The following CPNE4 variants were observed in gnomAD, a reference collection of about 807,000 sequenced individuals.
CPNE4 encodes copine-4.
CPNE4 carries 25 observed loss-of-function variants against 67.9 expected under a neutral mutation model. The observed-to-expected ratio is 0.37, with a 90% CI of 0.27 to 0.51. The LOEUF is 0.51. CPNE4 is among the 20% of genes least tolerant of loss of function. CPNE4 has a pLI of 0.93. For synonymous variants in CPNE4, 242 were observed against 244.9 expected, an observed-to-expected ratio of 0.99 and a Z score of 0.11; for missense variants, 464 against 690.8, an observed-to-expected ratio of 0.67 and a Z score of 3.68.
chr3:131,923,592 C>A (rs2070802176), intron 1 of CPNE4, among the ~76,000 whole-genome samples: 1 of 150,276 alleles, frequency 6.7e-6, no homozygotes, highest in African/African-American at 2.4e-5. Context: ...ATAGTACCAC[C>A]TACTTGGGAG....
chr3:131,575,249 A>C, intron 9 of CPNE4, 119 bp from the exon 10 acceptor site: 1 of 787,428 alleles, frequency 1.3e-6, no homozygotes, highest in Non-Finnish European at 2.2e-6. Flanking sequence ...GCAGACAGAC[A>C]TCATTGAAAA....
chr3:131,859,957 AG>A (rs1457876623), intron 2 of CPNE4, among the ~76,000 whole-genome samples: 8 of 152,340 alleles, frequency 5.3e-5, no homozygotes, highest in African/African-American at 1.9e-4. Context: ...ATCCATCCGC[AG>A]AATGACTCCA....
chr3:131,875,088 T>C (rs982620329), intron 2 of CPNE4, among the ~76,000 whole-genome samples: 13 of 152,176 alleles, frequency 8.5e-5, no homozygotes, highest in African/African-American at 2.9e-4. Flanking sequence ...CTGAGCAACT[T>C]CCCTAGCCCC....
At chr3:131,927,520 C>T (rs1429814458) in intron 1 of CPNE4, among the ~76,000 whole-genome samples, 1 of 152,126 alleles carries the variant, frequency 6.6e-6, no homozygotes, top group African/African-American at 2.4e-5. Flanking sequence ...TCTGATCCTA[C>T]TCCAGACTGG....
intron 1 of CPNE4, among the ~76,000 whole-genome samples, chr3:131,974,642 C>G (rs903923295): frequency 1.3e-5 from 2 of 152,194 alleles, no homozygotes; most frequent in African/African-American, 4.8e-5. Context: ...GCCTCCCATA[C>G]TCTGTGAACA....
intron 1 of CPNE4, among the ~76,000 whole-genome samples, chr3:132,001,557 AAG>A (rs1491504130): frequency 5.7e-5 from 4 of 70,580 alleles, no homozygotes; most frequent in Admixed American, 2.8e-4. Flanking sequence ...AAAAAAGAGA[AAG>A]AAAGAAAGAA....
intron 1 of CPNE4, among the ~76,000 whole-genome samples, chr3:131,942,453 TGTGTGTGTGTGAGAGAGA>T (rs2071419112): frequency 1.6e-5 from 1 of 62,268 alleles, no homozygotes; most frequent in African/African-American, 7.2e-5. Flanking sequence ...TGTGTGTGTG[TGTGTGTGTGTGAGAGAGA>T]GAGAGAGAGA....
intron 2 of CPNE4, among the ~76,000 whole-genome samples, chr3:131,738,866 T>C (rs1160966231): frequency 1.3e-5 from 2 of 151,224 alleles, no homozygotes; most frequent in Non-Finnish European, 3.0e-5. Context: ...TTTTTTTTTT[T>C]TTCTTAAGAT....
At chr3:131,543,416 G>GTAAC (rs1935635768) in intron 14 of CPNE4, among the ~76,000 whole-genome samples, 1 of 151,952 alleles carries the variant, frequency 6.6e-6, no homozygotes, top group African/African-American at 2.4e-5. Context: ...TTCTTTCTTT[G>GTAAC]TAACTGTCAG....
chr3:131,785,622 T>C (rs553570973), intron 2 of CPNE4, among the ~76,000 whole-genome samples: 1 of 152,168 alleles, frequency 6.6e-6, no homozygotes, highest in Admixed American at 6.6e-5. Flanking sequence ...CGGGTAAAAA[T>C]GTGACAGTTT....
chr3:131,552,249 A>G (rs72997281), intron 13 of CPNE4, among the ~76,000 whole-genome samples, 191 bp downstream of exon 13: 101 of 152,080 alleles, frequency 6.6e-4, no homozygotes, highest in African/African-American at 2.1e-3. Context: ...TGTCTTTTCC[A>G]GTTCTTATTT....
intron 1 of CPNE4, among the ~76,000 whole-genome samples, chr3:131,978,748 G>C (rs1175670507): frequency 6.7e-6 from 1 of 149,956 alleles, no homozygotes; most frequent in Non-Finnish European, 1.5e-5. Context: ...GGTTTGGTTT[G>C]TTCCTGTTTT....
intron 8 of CPNE4, among the ~76,000 whole-genome samples, chr3:131,583,976 C>T (rs1938010515): frequency 6.6e-6 from 1 of 152,146 alleles, no homozygotes. Context: ...TCTAGAAGGT[C>T]TTGGAGTAGC....
chr3:131,853,102 T>C (rs2086300333), intron 2 of CPNE4, among the ~76,000 whole-genome samples: 1 of 151,826 alleles, frequency 6.6e-6, no homozygotes, highest in African/African-American at 2.4e-5. Context: ...AAAAGTCATG[T>C]GATCTGTAAG....
intron 7 of CPNE4, among the ~76,000 whole-genome samples, chr3:131,660,934 A>AT (rs1051387045): frequency 2.0e-5 from 3 of 152,048 alleles, no homozygotes; most frequent in Admixed American, 2.0e-4. Context: ...GCCTCTTCAT[A>AT]TTTTTTCCCC....
intron 2 of CPNE4, among the ~76,000 whole-genome samples, chr3:131,872,715 T>TC (rs2087270719): frequency 2.0e-5 from 3 of 152,108 alleles, no homozygotes; most frequent in Admixed American, 6.5e-5. Flanking sequence ...TGTCTCTCTC[T>TC]TTATCTCTCG....
At chr3:131,843,497 A>C (rs2085875964) in intron 2 of CPNE4, among the ~76,000 whole-genome samples, 1 of 152,264 alleles carries the variant, frequency 6.6e-6, no homozygotes, top group South Asian at 2.1e-4. Flanking sequence ...TTTATTAAGC[A>C]ATTCAACACA....
chr3:131,840,053 A>T (rs1464210191), intron 2 of CPNE4, among the ~76,000 whole-genome samples: 1 of 152,170 alleles, frequency 6.6e-6, no homozygotes, highest in African/African-American at 2.4e-5. Flanking sequence ...TTCATGTAGC[A>T]TGAGGGAGAA....
At chr3:131,702,109 C>G (rs2081315930) in intron 3 of CPNE4, among the ~76,000 whole-genome samples, 1 of 151,958 alleles carries the variant, frequency 6.6e-6, no homozygotes, top group Non-Finnish European at 1.5e-5. Flanking sequence ...ATTTAAAGAT[C>G]TTGATGTTCA....
Sources: gnomAD v4.1 joint callset for allele counts (sites outside exome capture counted in the v4.1 genomes callset) on GRCh38, gnomAD v4.1.1 for gene constraint, MANE v1.5 for transcripts, NCBI Gene and HGNC (gene_info 2026-07-23, HGNC 2026-07-21) for gene names.